Variants in CEP89 observed in about 807,000 individuals in gnomAD.
CEP89 encodes centrosomal protein of 89 kDa.
A neutral mutation model predicts 97.6 loss-of-function variants in CEP89; 95 were observed. The observed-to-expected ratio is 0.97, with a 90% CI of 0.82 to 1.15. The LOEUF (loss-of-function observed/expected upper bound fraction) is 1.15, where lower values mean the gene tolerates loss of function less well. Among genes scored for constraint, CEP89 ranks in the 50% most tolerant of loss-of-function variants. The probability of loss-of-function intolerance (pLI) is 0.00; values close to 1 mark genes in which losing one functional copy is unlikely to be tolerated. For missense variants in CEP89, 869 were observed against 947.7 expected (o/e 0.92, Z 1.09); for synonymous variants, 354 against 349.1 (o/e 1.01, Z -0.16).
chr19:32,892,198 T>C (rs984692059), intron 16 of CEP89, among the ~76,000 whole-genome samples: 5 of 101,470 alleles, frequency 4.9e-5, no homozygotes, highest in African/African-American at 1.7e-4. Context: ...AATATATATT[T>C]AGACATATAT....
intron 11 of CEP89, among the ~76,000 whole-genome samples, chr19:32,924,651 C>T (rs1251598890): frequency 4.6e-5 from 7 of 152,306 alleles, no homozygotes; most frequent in Non-Finnish European, 1.5e-5. Flanking sequence ...TCTCATCTCT[C>T]CACCCAGACA....
chr19:32,928,584 C>T (rs377671012), intron 9 of CEP89, among the ~76,000 whole-genome samples: 2 of 152,094 alleles, frequency 1.3e-5, no homozygotes, highest in Non-Finnish European at 2.9e-5. Context: ...CGAAGGTTCC[C>T]GGTGCTGTGT....
Position 32,876,327 on chromosome 19 carries a change from T to C in CEP89, c.*2835A>G, listed in dbSNP as rs11666472. 0.1 allele frequency: 15,372 copies of C among 152,438 alleles called. 937 individuals are homozygous for C. The highest frequency in any genetic ancestry group is 0.17 in the Middle Eastern group (49 of 296). 9.4% of individuals were successfully genotyped at this position (152,438 alleles called of 1,614,324 possible). ...AAGGCTCACTCGCGTGCCTGGGTCA[T>C]GTTCTACAGCTGCTTGACCAGGAAT... On this transcript the variant is annotated 3_prime_UTR_variant, in exon 19 of 19. Transcript: ENST00000305768.
chr19:32,937,924 C>G (rs1970611445), intron 6 of CEP89, among the ~76,000 whole-genome samples: 1 of 152,096 alleles, frequency 6.6e-6, no homozygotes, highest in Admixed American at 6.5e-5. Context: ...TCACTGCAGC[C>G]TCCAACTCCT....
intron 14 of CEP89, among the ~76,000 whole-genome samples, chr19:32,906,313 C>T (rs1434070511): frequency 6.6e-6 from 1 of 151,852 alleles, no homozygotes; most frequent in African/African-American, 2.4e-5. Flanking sequence ...TTCTTTTTAC[C>T]CCCATACTAG....
intron 16 of CEP89, among the ~76,000 whole-genome samples, chr19:32,892,858 C>G (rs1320307794): frequency 6.6e-6 from 1 of 151,912 alleles, no homozygotes; most frequent in Non-Finnish European, 1.5e-5. Flanking sequence ...AGGACGATAT[C>G]TACTATCATG....
In CEP89 at chr19:32,959,751, C is replaced by G. The variant is rs961225460; in HGVS notation, c.305+149G>C. 1.6e-5 allele frequency: 12 copies of G among 747,880 alleles called. No individual in the cohort carries two copies. The East Asian group carries it at 1.6e-4, about 10-fold the overall frequency. 46.3% of individuals were successfully genotyped at this position (747,880 alleles called of 1,614,324 possible). On this transcript the variant is annotated intron_variant, in intron 3 of 18. Transcript: ENST00000305768. ...TGATGAAAACCCAGTGACTAAGACT[C>G]TAGTCATAAATACATGCATGAGCAC...
chr19:32,963,310 C>T (rs1488861804), intron 2 of CEP89, among the ~76,000 whole-genome samples: 2 of 152,108 alleles, frequency 1.3e-5, no homozygotes, highest in African/African-American at 2.4e-5. Context: ...GAGCTGAAAT[C>T]GTTCCACTGC....
intron 16 of CEP89, among the ~76,000 whole-genome samples, chr19:32,898,655 G>T (rs1969695702): frequency 6.6e-6 from 1 of 152,026 alleles, no homozygotes; most frequent in Non-Finnish European, 1.5e-5. Flanking sequence ...GCCGAGGTGG[G>T]CAGATCTCTT....
intron 14 of CEP89, among the ~76,000 whole-genome samples, chr19:32,908,341 C>T (rs1969930694): frequency 1.3e-5 from 2 of 152,184 alleles, no homozygotes; most frequent in Admixed American, 1.3e-4. Flanking sequence ...AATGAACTGG[C>T]TGGGGAGGGA....
chr19:32,923,299 T>A, intron 12 of CEP89, 140 bp downstream of exon 12: 1 of 501,446 alleles, frequency 2.0e-6, no homozygotes. Flanking sequence ...GGTTTTATTG[T>A]ACCTTATTAA....
At chr19:32,932,053 C>T (rs1599753289) in intron 8 of CEP89, among the ~76,000 whole-genome samples, 2 of 151,742 alleles carry the variant, frequency 1.3e-5, no homozygotes, top group South Asian at 2.1e-4. Flanking sequence ...TAATGGCGGG[C>T]GCCTATATTC....
At chr19:32,945,841 C>T (rs539251221) in intron 5 of CEP89, among the ~76,000 whole-genome samples, 60 of 152,250 alleles carry the variant, frequency 3.9e-4, no homozygotes, top group African/African-American at 1.3e-3. Context: ...CATGCAGTAC[C>T]TCCCCATGGT....
At chr19:32,943,071 T>C (rs1286012195) in intron 5 of CEP89, among the ~76,000 whole-genome samples, 6 of 152,102 alleles carry the variant, frequency 3.9e-5, no homozygotes, top group Non-Finnish European at 8.8e-5. Flanking sequence ...GTGATCTTCC[T>C]GCCTCAGCCT....
intron 11 of CEP89, among the ~76,000 whole-genome samples, chr19:32,924,004 CTT>C (rs746080149): frequency 6.8e-4 from 88 of 129,672 alleles, no homozygotes; most frequent in East Asian, 2.6e-3. Flanking sequence ...GGAGGAAGCT[CTT>C]TTTTTTTTTT....
intron 14 of CEP89, among the ~76,000 whole-genome samples, chr19:32,909,996 C>T (rs1205745981): frequency 6.6e-6 from 1 of 152,210 alleles, no homozygotes; most frequent in Non-Finnish European, 1.5e-5. Context: ...TGCAGTGGCT[C>T]ATGCCTGTAA....
At chr19:32,890,153 T>TC (rs1202645101) in intron 16 of CEP89, among the ~76,000 whole-genome samples, 7 of 152,146 alleles carry the variant, frequency 4.6e-5, no homozygotes, top group African/African-American at 1.4e-4. Context: ...ACGCCTGTAA[T>TC]CCCAGCACTT....
chr19:32,897,633 A>G (rs1440930852), intron 16 of CEP89, among the ~76,000 whole-genome samples: 1 of 152,042 alleles, frequency 6.6e-6, no homozygotes, highest in African/African-American at 2.4e-5. Flanking sequence ...AGGCTGGAGT[A>G]CAGTGGAATG....
At chr19:32,919,937 T>C (rs913939888) in intron 12 of CEP89, among the ~76,000 whole-genome samples, 1 of 151,954 alleles carries the variant, frequency 6.6e-6, no homozygotes, top group Non-Finnish European at 1.5e-5. Context: ...TGAGCCACCA[T>C]GCCCAGCCGC....
Sources: allele counts gnomAD v4.1 joint callset (sites outside exome capture counted in the v4.1 genomes callset), GRCh38; gene constraint gnomAD v4.1.1; transcripts MANE v1.5; gene names NCBI Gene and HGNC (gene_info 2026-07-23, HGNC 2026-07-21).